The following BMPR2 variants were observed in gnomAD, a reference collection of about 807,000 sequenced individuals.
The protein encoded by BMPR2 is bone morphogenetic protein receptor type-2.
Under a neutral mutation model 100.8 loss-of-function variants are expected in BMPR2, and 29 were observed. That is an observed-to-expected ratio of 0.29 (90% CI 0.21 to 0.39). The LOEUF is 0.39. Among genes scored for constraint, BMPR2 ranks in the 10% least tolerant of loss-of-function variants. BMPR2 has a pLI of 1.00. For missense variants in BMPR2, 1,011 were observed against 1,274.5 expected (o/e 0.79, Z 3.15); for synonymous variants, 382 against 442.3 (o/e 0.86, Z 1.71).
In BMPR2 at chr2:202,565,814, T is replaced by C. The variant is rs1688750473; in HGVS notation, c.*5868T>C. On this transcript the variant is annotated 3_prime_UTR_variant, in exon 13 of 13. Coordinates refer to ENST00000374580, the MANE Select transcript of BMPR2 (RefSeq NM_001204.7). ...GACTATACAACTTTCATTTAACTTT[T>C]AGGTGACTGATTTAAGTTGAGTGTG... The C allele has an allele frequency of 6.6e-6, 1 of 152,218 alleles. No individual in the cohort carries two copies. The highest frequency in any genetic ancestry group is 1.5e-5 in the Non-Finnish European group (1 of 68,014). 9.4% of individuals were successfully genotyped at this position (152,218 alleles called of 1,614,324 possible). A position where few individuals can be genotyped will look rare whatever the true frequency, so the allele number is the denominator to read the frequency against.
chr2:202,489,645 TAAAC>T (rs1260925852), intron 3 of BMPR2, among the ~76,000 whole-genome samples: 2 of 152,198 alleles, frequency 1.3e-5, no homozygotes, highest in East Asian at 3.8e-4. Context: ...GTGTTTTAAA[TAAAC>T]AAACATGATT....
intron 3 of BMPR2, among the ~76,000 whole-genome samples, chr2:202,480,676 G>A (rs976559200): frequency 3.3e-5 from 5 of 151,812 alleles, no homozygotes; most frequent in African/African-American, 2.4e-5. Flanking sequence ...TTGACAGGCC[G>A]GGCACGGTGG....
chr2:202,525,827 A>G (rs1346477091), intron 7 of BMPR2, among the ~76,000 whole-genome samples: 1 of 132,324 alleles, frequency 7.6e-6, no homozygotes. Flanking sequence ...CTCACCTTTC[A>G]TGCATATTTT....
At chr2:202,428,000 A>C (rs1691426424) in intron 1 of BMPR2, among the ~76,000 whole-genome samples, 1 of 151,590 alleles carries the variant, frequency 6.6e-6, no homozygotes, top group Non-Finnish European at 1.5e-5. Context: ...ACAAACAAAC[A>C]AATAAAATAA....
intron 3 of BMPR2, among the ~76,000 whole-genome samples, chr2:202,478,616 G>A (rs992193842): frequency 6.6e-6 from 1 of 151,950 alleles, no homozygotes; most frequent in African/African-American, 2.4e-5. Context: ...AAGCAAGACC[G>A]CTCTAAGAAG....
intron 3 of BMPR2, among the ~76,000 whole-genome samples, chr2:202,510,982 GTT>G (rs370738313): frequency 1.8e-3 from 233 of 131,972 alleles, no homozygotes; most frequent in African/African-American, 5.2e-3. Flanking sequence ...CCTGGCTTTA[GTT>G]TTTTTTTTTT....
intron 3 of BMPR2, among the ~76,000 whole-genome samples, chr2:202,501,967 G>T (rs151188174): frequency 0.011 from 1,635 of 152,330 alleles, 17 homozygotes; most frequent in Non-Finnish European, 0.017. Context: ...CATTTGTGGA[G>T]AATGGGATAC....
In BMPR2 at chr2:202,555,487, C is replaced by G. The variant is rs768979615; in HGVS notation, c.1822C>G (p.Leu608Val). The G allele has an allele frequency of 1.9e-5, 30 of 1,614,068 alleles. 2 individuals are homozygous for G. The South Asian group carries it at 3.3e-4, about 18-fold the overall frequency. The change falls in exon 12 of 13, where the codon CTC (leucine) becomes GTC (valine). Residue 608 changes from leucine (L) to valine (V), a missense_variant. Coordinates refer to ENST00000374580, the MANE Select transcript of BMPR2 (RefSeq NM_001204.7). ...CAGCCCTGAAACAAGTGTCACCAGCCTCTCCACCAACACAACAACCACAAA... is the reference window on the plus strand; with the variant it reads ...CAGCCCTGAAACAAGTGTCACCAGCGTCTCCACCAACACAACAACCACAAA... Reference protein sequence around the residue: ...IPSPETSVTSLSTNTTTTNTT... With the variant: ...IPSPETSVTSVSTNTTTTNTT...
chr2:202,405,078 C>T (rs1308157218), intron 1 of BMPR2, among the ~76,000 whole-genome samples: 4 of 152,102 alleles, frequency 2.6e-5, no homozygotes, highest in Admixed American at 2.6e-4. Context: ...CCATCTCAGC[C>T]TCCCAAAGTG....
chr2:202,525,857 CTTTTTTT>C (rs386392340), intron 7 of BMPR2, among the ~76,000 whole-genome samples: 5 of 69,362 alleles, frequency 7.2e-5, no homozygotes, highest in Non-Finnish European at 1.2e-4. Flanking sequence ...TTCAGAGCAT[CTTTTTTT>C]TTTTTTTTTT....
intron 8 of BMPR2, among the ~76,000 whole-genome samples, chr2:202,531,605 T>C (rs776234689): frequency 4.6e-5 from 7 of 152,212 alleles, no homozygotes; most frequent in Non-Finnish European, 7.3e-5. Flanking sequence ...GCACAACATA[T>C]ATGTATTTTT....
chr2:202,435,403 A>ATATATATATATG (rs1267608246), intron 1 of BMPR2, among the ~76,000 whole-genome samples: 1 of 140,354 alleles, frequency 7.1e-6, no homozygotes, highest in Non-Finnish European at 1.5e-5. Context: ...ATATATATAT[A>ATATATATATATG]TATATGTTTT....
chr2:202,388,071 C>A (rs1230871373), intron 1 of BMPR2, among the ~76,000 whole-genome samples: 1 of 151,944 alleles, frequency 6.6e-6, no homozygotes, highest in East Asian at 1.9e-4. Context: ...GTCTTTCACA[C>A]CAACTTGTTC....
chr2:202,417,760 C>A (rs1440122347), intron 1 of BMPR2, among the ~76,000 whole-genome samples: 1 of 151,600 alleles, frequency 6.6e-6, no homozygotes, highest in South Asian at 2.1e-4. Context: ...ACTCTGTCAC[C>A]CAGGCTGGAG....
intron 1 of BMPR2, among the ~76,000 whole-genome samples, chr2:202,453,350 G>A (rs191779371): frequency 7.6e-4 from 115 of 152,122 alleles, no homozygotes; most frequent in Admixed American, 1.5e-3. Context: ...TCAAAGAGAT[G>A]TTTGCACTCC....
At chr2:202,513,569 A>G (rs1367779586) in intron 3 of BMPR2, 150 bp from the exon 4 acceptor site, 4 of 599,740 alleles carry the variant, frequency 6.7e-6, no homozygotes, top group Non-Finnish European at 1.2e-5. Context: ...TATCACATTT[A>G]TTACTAATTT....
At chr2:202,543,224 A>ATATATATATTTATATACATATATATT (rs1688312328) in intron 10 of BMPR2, among the ~76,000 whole-genome samples, 1 of 146,840 alleles carries the variant, frequency 6.8e-6, no homozygotes, top group African/African-American at 2.5e-5. Context: ...ATATATATTT[A>ATATATATATTTATATACATATATATT]TATATATATT....
At chr2:202,473,291 G>A (rs2105966837) in intron 3 of BMPR2, among the ~76,000 whole-genome samples, 1 of 152,128 alleles carries the variant, frequency 6.6e-6, no homozygotes, top group South Asian at 2.1e-4. Flanking sequence ...AAATTAGCTG[G>A]GCATAGTGGC....
At chr2:202,535,466 C>A (rs1688133870) in intron 9 of BMPR2, among the ~76,000 whole-genome samples, 1 of 150,290 alleles carries the variant, frequency 6.7e-6, no homozygotes, top group South Asian at 2.1e-4. Flanking sequence ...GGCAGAGGCG[C>A]TCCCCACATC....
Sources: gnomAD v4.1 joint callset for allele counts (sites outside exome capture counted in the v4.1 genomes callset) on GRCh38, gnomAD v4.1.1 for gene constraint, MANE v1.5 for transcripts, NCBI Gene and HGNC (gene_info 2026-07-23, HGNC 2026-07-21) for gene names.